UST: variants seen among roughly 807,000 people sequenced by gnomAD.
The protein encoded by UST is chondroitin sulfate 2-O-sulfotransferase.
A neutral mutation model predicts 45.6 loss-of-function variants in UST; 21 were observed. That is an observed-to-expected ratio of 0.46 (90% confidence interval 0.33 to 0.66). The LOEUF (loss-of-function observed/expected upper bound fraction) is 0.66, where lower values mean the gene tolerates loss of function less well. Among genes scored for constraint, UST ranks in the 30% least tolerant of loss-of-function variants. The pLI, the probability that UST is intolerant of heterozygous loss-of-function variation, is 0.02. For missense variants in UST, 463 were observed against 512.4 expected, an observed-to-expected ratio of 0.90 and a Z score of 0.93; for synonymous variants, 215 against 200.6, an observed-to-expected ratio of 1.07 and a Z score of -0.61.
chr6:148,992,363 G>A (rs752525548), intron 5 of UST, among the ~76,000 whole-genome samples: 7 of 152,142 alleles, frequency 4.6e-5, no homozygotes, highest in Non-Finnish European at 8.8e-5. Flanking sequence ...AAAATTAGCC[G>A]GGCGTTGAGG....
chr6:148,928,181 A>G (rs1373533464), intron 2 of UST, among the ~76,000 whole-genome samples: 1 of 152,180 alleles, frequency 6.6e-6, no homozygotes, highest in African/African-American at 2.4e-5. Context: ...GAGATCAGCA[A>G]TAGACTCTTA....
intron 1 of UST, among the ~76,000 whole-genome samples, chr6:148,801,156 A>T (rs1011848643): frequency 6.6e-6 from 1 of 152,060 alleles, no homozygotes; most frequent in African/African-American, 2.4e-5. Context: ...GAACATGAGG[A>T]TCTAGTTTTG....
chr6:148,811,447 C>T (rs891713146), intron 1 of UST, among the ~76,000 whole-genome samples: 6 of 152,296 alleles, frequency 3.9e-5, no homozygotes, highest in Admixed American at 1.3e-4. Context: ...TGTCTTATAG[C>T]AAAAAGTATG....
chr6:148,893,195 A>G (rs565238409), intron 2 of UST, among the ~76,000 whole-genome samples: 62 of 152,338 alleles, frequency 4.1e-4, no homozygotes, highest in Non-Finnish European at 6.9e-4. Flanking sequence ...CATATAAAGT[A>G]TTAGTATTCA....
chr6:148,998,000 C>T (rs113605751), intron 5 of UST, among the ~76,000 whole-genome samples: 31 of 152,246 alleles, frequency 2.0e-4, no homozygotes, highest in African/African-American at 7.5e-4. Context: ...GAAAGTGTGA[C>T]TTTTGTGGTT....
chr6:149,039,964 C>T (rs140227492), intron 7 of UST, among the ~76,000 whole-genome samples: 34 of 152,332 alleles, frequency 2.2e-4, no homozygotes, highest in Non-Finnish European at 3.8e-4. Flanking sequence ...GTTTTCAGAA[C>T]AGCATGTAAA....
chr6:148,998,979 G>A (rs1781499558), intron 5 of UST, among the ~76,000 whole-genome samples: 2 of 152,200 alleles, frequency 1.3e-5, no homozygotes, highest in Admixed American at 1.3e-4. Context: ...GAGAATCACA[G>A]ACAACCAAGA....
intron 1 of UST, among the ~76,000 whole-genome samples, chr6:148,877,398 GTC>G (rs1778691598): frequency 3.4e-5 from 2 of 58,336 alleles, no homozygotes; most frequent in African/African-American, 1.7e-4. Flanking sequence ...GAGTGCGGGG[GTC>G]GTGTATGAGT....
At chr6:148,843,660 C>T (rs1777928417) in intron 1 of UST, among the ~76,000 whole-genome samples, 1 of 152,194 alleles carries the variant, frequency 6.6e-6, no homozygotes, top group African/African-American at 2.4e-5. Context: ...ATTCCAGATT[C>T]CAGACCCAGC....
At chr6:149,039,898 G>A (rs1420841116) in intron 7 of UST, among the ~76,000 whole-genome samples, 7 of 152,146 alleles carry the variant, frequency 4.6e-5, no homozygotes, top group Non-Finnish European at 7.4e-5. Context: ...ATCAAAAGTC[G>A]TGACTGGCTC....
intron 6 of UST, among the ~76,000 whole-genome samples, 197 bp from the exon 7 acceptor site, chr6:149,021,127 A>C (rs1198855994): frequency 6.6e-6 from 1 of 152,122 alleles, no homozygotes; most frequent in Non-Finnish European, 1.5e-5. Context: ...ACAGAGAAGG[A>C]ATGGTGAGCA....
chr6:149,021,530 G>A, intron 7 of UST, 49 bp downstream of exon 7: 1 of 1,597,132 alleles, frequency 6.3e-7, no homozygotes, highest in Non-Finnish European at 8.6e-7. Context: ...TCTGTGTCCA[G>A]GGCTACTCAC....
intron 1 of UST, among the ~76,000 whole-genome samples, chr6:148,845,444 A>AT (rs1250560965): frequency 6.6e-6 from 1 of 152,086 alleles, no homozygotes; most frequent in Non-Finnish European, 1.5e-5. Flanking sequence ...TGGTTCATTG[A>AT]TTTTTATTGC....
chr6:148,818,790 G>T (rs773445229), intron 1 of UST, among the ~76,000 whole-genome samples: 50 of 152,204 alleles, frequency 3.3e-4, no homozygotes, highest in Non-Finnish European at 6.3e-4. Context: ...CACTCAAATT[G>T]TATACTTGTG....
chr6:148,747,492 T>TG lies in UST; in HGVS notation c.68dup (p.Ala24ArgfsTer67), dbSNP rs2114635290. On this transcript the variant is annotated frameshift_variant, in exon 1 of 8. Coordinates refer to ENST00000367463, the MANE Select transcript of UST (RefSeq NM_005715.3). LOFTEE classifies it high-confidence loss of function. ...GATCCCTGGCCCCATGGGGCCCCTA[T>TG]GGGGGGCGCCCCTCCGGGCCTGGGC... is the stretch of plus-strand genomic sequence containing the variant. The TG allele has an allele frequency of 1.3e-6, 2 of 1,517,898 alleles. No homozygotes were observed. The highest frequency in any genetic ancestry group is 1.8e-6 in the Non-Finnish European group (2 of 1,132,504). The allele number at this position is 1,517,898 out of a possible 1,614,324, so 94.0% of individuals were successfully genotyped here. A position where few individuals can be genotyped will look rare whatever the true frequency, so the allele number is the denominator to read the frequency against.
intron 1 of UST, among the ~76,000 whole-genome samples, chr6:148,811,340 A>G (rs1777253182): frequency 6.6e-6 from 1 of 152,206 alleles, no homozygotes; most frequent in Admixed American, 6.5e-5. Context: ...ATGAGGCCTA[A>G]GCTCAAAACC....
chr6:149,038,059 T>C (rs1489617464), intron 7 of UST, among the ~76,000 whole-genome samples: 2 of 152,286 alleles, frequency 1.3e-5, no homozygotes, highest in Non-Finnish European at 2.9e-5. Context: ...AGAGAAACTC[T>C]GTCTTCCTAA....
intron 2 of UST, among the ~76,000 whole-genome samples, chr6:148,892,083 G>A (rs1027703737): frequency 3.9e-5 from 6 of 152,214 alleles, no homozygotes; most frequent in Middle Eastern, 3.4e-3. Flanking sequence ...AGAATAGCAT[G>A]TTTTCTTTTT....
intron 2 of UST, among the ~76,000 whole-genome samples, chr6:148,933,868 G>C (rs929837160): frequency 1.3e-5 from 2 of 152,214 alleles, no homozygotes; most frequent in African/African-American, 4.8e-5. Flanking sequence ...GCCCAAACAA[G>C]AATAGGACAG....
Sources: gnomAD v4.1 joint callset for allele counts (sites outside exome capture counted in the v4.1 genomes callset) on GRCh38, gnomAD v4.1.1 for gene constraint, MANE v1.5 for transcripts, NCBI Gene and HGNC (gene_info 2026-07-23, HGNC 2026-07-21) for gene names.